The following CSMD3 variants were observed in gnomAD, a reference collection of about 807,000 sequenced individuals.
CSMD3 encodes CUB and Sushi multiple domains 3, also known as CUB and sushi domain-containing protein 3.
CSMD3 carries 177 observed loss-of-function variants against 435.2 expected under a neutral mutation model. The ratio of observed to expected loss-of-function variants is 0.41; its 90% confidence interval spans 0.36 to 0.46. The LOEUF is 0.46. Ranked by LOEUF, CSMD3 falls within the 20% of genes least tolerant of loss-of-function variation. CSMD3 has a pLI of 0.34. For synonymous variants in CSMD3, 1,656 were observed against 1,520.5 expected (o/e 1.09, Z -2.07); for missense variants, 4,265 against 4,504.6 (o/e 0.95, Z 1.52).
intron 5 of CSMD3, among the ~76,000 whole-genome samples, chr8:113,060,820 C>T (rs1192948477): frequency 6.6e-6 from 1 of 152,158 alleles, no homozygotes; most frequent in Admixed American, 6.6e-5. Context: ...TAACTCTCTA[C>T]CCTGCATCGC....
intron 11 of CSMD3, among the ~76,000 whole-genome samples, chr8:112,851,555 G>C (rs935602883): frequency 6.6e-6 from 1 of 152,110 alleles, no homozygotes; most frequent in Non-Finnish European, 1.5e-5. Flanking sequence ...CATGAGGTCA[G>C]GACTTCGAGA....
chr8:112,321,833 G>C (rs1429991863), intron 45 of CSMD3, among the ~76,000 whole-genome samples: 1 of 152,136 alleles, frequency 6.6e-6, no homozygotes, highest in Non-Finnish European at 1.5e-5. Flanking sequence ...AGAAAGACTT[G>C]CTGGGAAAGA....
intron 13 of CSMD3, among the ~76,000 whole-genome samples, chr8:112,695,745 G>T (rs1163384065): frequency 1.3e-5 from 2 of 152,176 alleles, no homozygotes; most frequent in African/African-American, 4.8e-5. Flanking sequence ...AATCAGGCAG[G>T]AGAAAGAAAT....
intron 17 of CSMD3, among the ~76,000 whole-genome samples, chr8:112,656,912 A>G (rs1233781274): frequency 1.3e-5 from 2 of 152,232 alleles, no homozygotes; most frequent in East Asian, 3.9e-4. Context: ...GATACATTTG[A>G]TGTTTATTAA....
intron 13 of CSMD3, among the ~76,000 whole-genome samples, chr8:112,799,716 A>G (rs553536757): frequency 6.4e-4 from 97 of 152,112 alleles, no homozygotes; most frequent in African/African-American, 2.3e-3. Flanking sequence ...AATTTCACAA[A>G]TTTGTGAGCT....
chr8:112,901,087 T>C (rs2082098572), intron 10 of CSMD3, among the ~76,000 whole-genome samples: 1 of 151,270 alleles, frequency 6.6e-6, no homozygotes, highest in African/African-American at 2.4e-5. Context: ...GAAGGTTATG[T>C]ATACTAAGAA....
chr8:113,321,056 TTCCTCATC>T (rs924501856), intron 1 of CSMD3, among the ~76,000 whole-genome samples: 39 of 152,198 alleles, frequency 2.6e-4, no homozygotes, highest in African/African-American at 8.9e-4. Context: ...GATTCAATTC[TTCCTCATC>T]TCCTGCATCC....
chr8:113,119,005 T>C (rs887494175), intron 4 of CSMD3, among the ~76,000 whole-genome samples: 1 of 152,274 alleles, frequency 6.6e-6, no homozygotes, highest in East Asian at 1.9e-4. Flanking sequence ...AACAAAAATG[T>C]AGCAAACCTT....
intron 22 of CSMD3, among the ~76,000 whole-genome samples, chr8:112,619,641 T>C (rs1833914753): frequency 6.6e-6 from 1 of 152,120 alleles, no homozygotes; most frequent in East Asian, 1.9e-4. Flanking sequence ...ATCCATTATT[T>C]GGGCTGATCC....
chr8:112,510,278 T>G (rs1822972775), intron 28 of CSMD3, among the ~76,000 whole-genome samples: 1 of 152,208 alleles, frequency 6.6e-6, no homozygotes, highest in Admixed American at 6.5e-5. Context: ...CTGCAACTGT[T>G]TCACATTGTC....
intron 23 of CSMD3, among the ~76,000 whole-genome samples, chr8:112,584,516 C>T (rs535560428): frequency 9.0e-4 from 137 of 151,702 alleles, no homozygotes; most frequent in African/African-American, 2.9e-3. Context: ...AAGTTGTACA[C>T]GAATGTTTGC....
intron 3 of CSMD3, among the ~76,000 whole-genome samples, chr8:113,208,331 C>A (rs1588277729): frequency 1.3e-5 from 2 of 152,184 alleles, no homozygotes; most frequent in Middle Eastern, 3.4e-3. Context: ...CAGTTACAGG[C>A]AATGTGACCC....
intron 3 of CSMD3, among the ~76,000 whole-genome samples, chr8:113,232,009 A>G (rs947019468): frequency 1.3e-5 from 2 of 151,586 alleles, no homozygotes; most frequent in African/African-American, 4.8e-5. Flanking sequence ...TTTTCATCAT[A>G]AATTATATAC....
intron 12 of CSMD3, among the ~76,000 whole-genome samples, chr8:112,804,793 C>G (rs888213141): frequency 2.0e-5 from 3 of 151,802 alleles, no homozygotes; most frequent in African/African-American, 7.3e-5. Flanking sequence ...GCCTCCTAAG[C>G]AGCTGGGACT....
chr8:113,419,466 T>C (rs758796538), intron 1 of CSMD3, among the ~76,000 whole-genome samples: 19 of 152,128 alleles, frequency 1.2e-4, no homozygotes, highest in Non-Finnish European at 2.2e-4. Context: ...ATATATTTAC[T>C]CCAACATCAT....
intron 1 of CSMD3, among the ~76,000 whole-genome samples, chr8:113,387,482 C>A (rs533472141): frequency 6.6e-6 from 1 of 151,708 alleles, no homozygotes; most frequent in South Asian, 2.1e-4. Context: ...AAAATCCATA[C>A]TTTCGAAGTA....
chr8:112,950,199 T>C (rs1050336609), intron 8 of CSMD3, among the ~76,000 whole-genome samples: 2 of 152,028 alleles, frequency 1.3e-5, no homozygotes, highest in Non-Finnish European at 2.9e-5. Flanking sequence ...AAATATGTCC[T>C]AGTTGTTTGA....
Position 112,231,902 on chromosome 8 carries a change from T to A in CSMD3, c.10741-270A>T, listed in dbSNP as rs189472939. ...GACATCTGCTGTCAATAAAAAGCAATGACATGAGGAAATACAGTGATCAAT... is the reference window on the plus strand; with the variant it reads ...GACATCTGCTGTCAATAAAAAGCAAAGACATGAGGAAATACAGTGATCAAT... On this transcript the variant is annotated intron_variant, in intron 68 of 70. Coordinates refer to ENST00000297405, the MANE Select transcript of CSMD3 (RefSeq NM_198123.2). Among the ~76,000 whole-genome samples, 361 of 152,214 alleles carry A rather than the reference T, an allele frequency of 2.4e-3. 2 individuals carry two copies. Among genetic ancestry groups the A allele is most frequent in the African/African-American group, 8.3e-3 (344 of 41,534 alleles).
intron 13 of CSMD3, among the ~76,000 whole-genome samples, chr8:112,692,903 A>G (rs1360545952): frequency 6.7e-6 from 1 of 149,394 alleles, no homozygotes; most frequent in Admixed American, 6.8e-5. Flanking sequence ...TAATTTACAA[A>G]TTAATCTTTA....
Sources: gnomAD v4.1 joint callset for allele counts (sites outside exome capture counted in the v4.1 genomes callset) on GRCh38, gnomAD v4.1.1 for gene constraint, MANE v1.5 for transcripts, NCBI Gene and HGNC (gene_info 2026-07-23, HGNC 2026-07-21) for gene names.